The following IGSF21 variants were observed in gnomAD, a reference collection of about 807,000 sequenced individuals.
IGSF21 encodes the protein immunoglobulin superfamily member 21.
In IGSF21, 28 loss-of-function variants were observed where a neutral mutation model predicts 46.8. The observed-to-expected ratio is 0.60, with a 90% confidence interval of 0.44 to 0.82. The LOEUF is 0.82. Among genes scored for constraint, IGSF21 ranks in the 40% least tolerant of loss-of-function variants. The pLI, the probability that IGSF21 is intolerant of heterozygous loss-of-function variation, is 0.00. For missense variants in IGSF21, 624 were observed against 665.5 expected (o/e 0.94, Z 0.69); for synonymous variants, 284 against 273.6 (o/e 1.04, Z -0.38).
intron 1 of IGSF21, among the ~76,000 whole-genome samples, chr1:18,144,525 C>G (rs1323145232): frequency 6.6e-6 from 1 of 152,170 alleles, no homozygotes; most frequent in African/African-American, 2.4e-5. Context: ...TCTGACCTAG[C>G]TTAGCCTGGG....
rs566958027 is a variant in IGSF21, at chr1:18,269,696, A to C, written c.184-22170A>C. On this transcript the variant is annotated intron_variant, in intron 2 of 9. Coordinates refer to ENST00000251296, the MANE Select transcript of IGSF21 (RefSeq NM_032880.5). ...TAGTGGGTGGGTGCTAGATACCCCC[A>C]GTCTGAAGCGCATCTCCCTCATCCC... 5.9e-5 allele frequency among the ~76,000 whole-genome samples: 9 copies of C among 152,216 alleles called. No homozygotes were observed. The South Asian group carries it at 1.0e-3, about 18-fold the overall frequency.
intron 7 of IGSF21, 121 bp downstream of exon 7, chr1:18,376,516 G>T: frequency 1.2e-6 from 1 of 819,658 alleles, no homozygotes; most frequent in Admixed American, 1.8e-5. Flanking sequence ...ACATCCAGTG[G>T]GTTTCAGTTT....
chr1:18,372,354 A>G (rs757233144), intron 6 of IGSF21, among the ~76,000 whole-genome samples: 11 of 152,242 alleles, frequency 7.2e-5, no homozygotes, highest in Non-Finnish European at 1.5e-4. Context: ...GACCGGGAAT[A>G]GTGACCACCA....
chr1:18,310,245 A>G (rs1307145085), intron 3 of IGSF21, among the ~76,000 whole-genome samples: 1 of 152,230 alleles, frequency 6.6e-6, no homozygotes, highest in East Asian at 1.9e-4. Context: ...AGGAGTTGGT[A>G]TCCATGCACA....
In IGSF21 at chr1:18,225,085, T is replaced by TCTCTCTCTCTCACACACACA; in HGVS notation, c.71-2812_71-2811insTCTCTCTCTCACACACACAC. 1.1e-3 allele frequency among the ~76,000 whole-genome samples: 59 copies of TCTCTCTCTCTCACACACACA among 51,574 alleles called. 1 individual carries two copies. The highest frequency in any genetic ancestry group is 9.9e-3 in the East Asian group (18 of 1,820). 33.8% of individuals were successfully genotyped at this position (51,574 alleles called of 152,430 possible). A position where few individuals can be genotyped will look rare whatever the true frequency, so the allele number is the denominator to read the frequency against. Reference sequence around the variant, plus strand: ...GTATCTCTCTCTCTCTCTCTCTCTCTCACACACACACACACACACACACAC... The same window carrying TCTCTCTCTCTCACACACACA: ...GTATCTCTCTCTCTCTCTCTCTCTCTCTCTCTCTCTCACACACACACACACACACACACACACACACACAC... On this transcript the variant is annotated intron_variant, in intron 1 of 9. Coordinates refer to ENST00000251296, the MANE Select transcript of IGSF21 (RefSeq NM_032880.5).
At chr1:18,276,687 T>A (rs1400649101) in intron 2 of IGSF21, among the ~76,000 whole-genome samples, 12 of 152,138 alleles carry the variant, frequency 7.9e-5, no homozygotes, top group Admixed American at 7.9e-4. Context: ...CAAGCCATTG[T>A]CTGGGGCCAA....
At chr1:18,168,585 G>C (rs974145232) in intron 1 of IGSF21, among the ~76,000 whole-genome samples, 1 of 152,110 alleles carries the variant, frequency 6.6e-6, no homozygotes, top group African/African-American at 2.4e-5. Flanking sequence ...TCACTTTATC[G>C]CCTGTCCCTC....
At chr1:18,289,957 C>T (rs1277311471) in intron 2 of IGSF21, among the ~76,000 whole-genome samples, 6 of 152,190 alleles carry the variant, frequency 3.9e-5, no homozygotes, top group Non-Finnish European at 8.8e-5. Flanking sequence ...GTCTTGGCCT[C>T]TACCCCAGGC....
intron 2 of IGSF21, among the ~76,000 whole-genome samples, chr1:18,250,177 C>A (rs1030669690): frequency 1.3e-5 from 2 of 148,386 alleles, no homozygotes; most frequent in African/African-American, 5.0e-5. Flanking sequence ...TTTCAGAGAC[C>A]CCAGGGAATT....
At chr1:18,345,721 G>A (rs1295011117) in intron 4 of IGSF21, among the ~76,000 whole-genome samples, 5 of 152,108 alleles carry the variant, frequency 3.3e-5, no homozygotes, top group Admixed American at 3.3e-4. Flanking sequence ...ATATACCAGG[G>A]ACTGTTCTGC....
chr1:18,140,941 C>T (rs1277709505), intron 1 of IGSF21, among the ~76,000 whole-genome samples: 3 of 152,222 alleles, frequency 2.0e-5, no homozygotes, highest in African/African-American at 7.2e-5. Flanking sequence ...CCCCTTAGCC[C>T]TCTGCTCCCT....
intron 1 of IGSF21, among the ~76,000 whole-genome samples, chr1:18,138,978 G>T (rs1182515883): frequency 2.0e-5 from 3 of 152,210 alleles, no homozygotes; most frequent in Non-Finnish European, 2.9e-5. Flanking sequence ...AGCACCTGCT[G>T]AGTGCCAGCC....
rs1437366419 is a variant in IGSF21 at position 18,246,234 on chromosome 1, A to G, written c.183+18224A>G. On this transcript the variant is annotated intron_variant, in intron 2 of 9. Transcript: ENST00000251296. ...TGAGGCCCTCTTGCTTCCTGGGTGA[A>G]TGTCACTAAGAGGCTGATGGCATCT... is the stretch of plus-strand genomic sequence containing the variant. 2.0e-5 allele frequency among the ~76,000 whole-genome samples: 3 copies of G among 151,996 alleles called. No individual in the cohort carries two copies. In the East Asian group the frequency reaches 5.9e-4, roughly 30 times the overall value.
chr1:18,323,613 G>A (rs1038793911), intron 3 of IGSF21, among the ~76,000 whole-genome samples: 54 of 152,130 alleles, frequency 3.5e-4, no homozygotes, highest in African/African-American at 1.2e-3. Flanking sequence ...AGCCTGAGAG[G>A]GGTCCCAGGC....
chr1:18,218,238 G>A (rs2084472880), intron 1 of IGSF21, among the ~76,000 whole-genome samples: 1 of 152,172 alleles, frequency 6.6e-6, no homozygotes, highest in Admixed American at 6.5e-5. Flanking sequence ...GAGAAAGTGG[G>A]GGAGCTGCTA....
chr1:18,314,332 C>T (rs1569791356), intron 3 of IGSF21, among the ~76,000 whole-genome samples: 2 of 151,214 alleles, frequency 1.3e-5, no homozygotes, highest in African/African-American at 4.9e-5. Context: ...TCTCAGGACT[C>T]TTTCTCCAAC....
intron 1 of IGSF21, among the ~76,000 whole-genome samples, chr1:18,168,045 G>A (rs776565268): frequency 2.6e-5 from 4 of 151,746 alleles, no homozygotes; most frequent in African/African-American, 4.8e-5. Flanking sequence ...TAGCATCATG[G>A]TCCAAAATGT....
chr1:18,301,139 A>G (rs1431992212), intron 3 of IGSF21, among the ~76,000 whole-genome samples: 1 of 152,208 alleles, frequency 6.6e-6, no homozygotes, highest in African/African-American at 2.4e-5. Context: ...CCTGTTATTC[A>G]GATGCTGACA....
At chr1:18,225,085 T>TCACACACACACACACACACACA (rs529286231) in intron 1 of IGSF21, among the ~76,000 whole-genome samples, 1 of 51,580 alleles carries the variant, frequency 1.9e-5, no homozygotes, top group Non-Finnish European at 4.0e-5. Flanking sequence ...TCTCTCTCTC[T>TCACACACACACACACACACACA]CACACACACA....
Sources: gnomAD v4.1 joint callset for allele counts (sites outside exome capture counted in the v4.1 genomes callset) on GRCh38, gnomAD v4.1.1 for gene constraint, MANE v1.5 for transcripts, NCBI Gene and HGNC (gene_info 2026-07-23, HGNC 2026-07-21) for gene names.